PARP10: variants seen among roughly 807,000 people sequenced by gnomAD.
The protein encoded by PARP10 is protein mono-ADP-ribosyltransferase PARP10.
A neutral mutation model predicts 82.4 loss-of-function variants in PARP10; 56 were observed. The observed-to-expected ratio is 0.68, with a 90% CI of 0.55 to 0.85. The LOEUF (loss-of-function observed/expected upper bound fraction) is 0.85, where lower values mean the gene tolerates loss of function less well. Ranked by LOEUF, PARP10 falls within the 40% of genes least tolerant of loss-of-function variation. The pLI, the probability that PARP10 is intolerant of heterozygous loss-of-function variation, is 0.00. For missense variants in PARP10, 1,227 were observed against 1,379.4 expected, an observed-to-expected ratio of 0.89 and a Z score of 1.75; for synonymous variants, 576 against 601.1, an observed-to-expected ratio of 0.96 and a Z score of 0.61.
Position 143,984,955 on chromosome 8 carries a change from G to A in PARP10, c.1047C>T (p.Val349=). 1 of 1,613,922 alleles carries A rather than the reference G, an allele frequency of 6.2e-7. No homozygotes were observed. Among genetic ancestry groups the A allele is most frequent in the Non-Finnish European group, 8.5e-7 (1 of 1,179,998 alleles). ...PMGSLGQAEQ[V]SSMPMGSLEH... Reference sequence around the variant, plus strand: ...CCAGAGACCCCATGGGCATCGAGCTGACTTGCTCTGCCTGTCCCAGAGACC... The same window carrying A: ...CCAGAGACCCCATGGGCATCGAGCTAACTTGCTCTGCCTGTCCCAGAGACC... Residue 349 remains valine, a synonymous_variant, in exon 5 of 11, where the codon GTC becomes GTT. Transcript: ENST00000313028.
Position 143,984,850 on chromosome 8 carries a change from A to C in PARP10, c.1152T>G (p.Ser384=). The C allele has an allele frequency of 6.2e-7, 1 of 1,612,390 alleles. No individual in the cohort carries two copies. The highest frequency in any genetic ancestry group is 8.5e-7 in the Non-Finnish European group (1 of 1,178,938). The stretch of plus-strand genomic sequence containing the variant: ...CCTTAGAGGTCTCCACTGGGCCTGC[A>C]GACCCCACAGGCCCCAGGCTCATGG... ...EGPMSLGPVG[S]AGPVETSKGL... Residue 384 remains serine (S), a synonymous_variant, in exon 5 of 11, where the codon TCT becomes TCG. Coordinates refer to ENST00000313028, the MANE Select transcript of PARP10 (RefSeq NM_032789.5).
At position 143,983,429 on chromosome 8, in the gene PARP10, C is replaced by T. The variant is rs782500323; in HGVS notation, c.2160G>A (p.Glu720=). The T allele has an allele frequency of 1.4e-5, 23 of 1,605,126 alleles. No individual in the cohort carries two copies. Among genetic ancestry groups the T allele is most frequent in the African/African-American group, 6.7e-5 (5 of 74,912 alleles). ...VVHSAFEQDV[E]ELDRALRAAL... ...CAGCCCTGAGCGCCCGGTCCAGCTCCTCCACATCCTGCTCAAAGGCCGAGT... is the reference window on the plus strand; with the variant it reads ...CAGCCCTGAGCGCCCGGTCCAGCTCTTCCACATCCTGCTCAAAGGCCGAGT... The change falls in exon 8 of 11, where the codon GAG becomes GAA. Residue 720 remains glutamate, a synonymous_variant. Coordinates refer to ENST00000313028, the MANE Select transcript of PARP10 (RefSeq NM_032789.5).
chr8:144,000,056 A>G (rs1203727841), intron 1 of PARP10, among the ~76,000 whole-genome samples: 1 of 152,200 alleles, frequency 6.6e-6, no homozygotes, highest in Non-Finnish European at 1.5e-5. Context: ...TAATCTACCA[A>G]GACTTGCATA....
At chr8:143,979,598 A>G (rs1833798211) in intron 9 of PARP10, among the ~76,000 whole-genome samples, 1 of 152,214 alleles carries the variant, frequency 6.6e-6, no homozygotes, top group Non-Finnish European at 1.5e-5. Flanking sequence ...AAATACCTCT[A>G]ATTGTAAAGG....
At position 143,983,041 on chromosome 8, in the gene PARP10, G is replaced by T; in HGVS notation, c.2447C>A (p.Pro816His). 6.2e-7 allele frequency: 1 copy of T among 1,613,882 alleles called. No homozygotes were observed. Among genetic ancestry groups the T allele is most frequent in the Non-Finnish European group, 8.5e-7 (1 of 1,180,008 alleles). The change falls in exon 9 of 11, where the codon CCC (proline) becomes CAC (histidine). Residue 816 changes from proline to histidine, a missense_variant. Coordinates refer to ENST00000313028, the MANE Select transcript of PARP10 (RefSeq NM_032789.5). ...TGCCAGACGCTCCAGGTTGTTCCAG[G>T]GCCCCTTCAGCGTCTGCCCCGCCAC... ...PTLAGQTLKG[P>H]WNNLERLAEN...
intron 1 of PARP10, chr8:144,012,428 C>T (rs1587480219): frequency 1.7e-6 from 2 of 1,198,316 alleles, no homozygotes; most frequent in East Asian, 2.5e-5. Flanking sequence ...TCTGCACCCT[C>T]CTTCAGCCCA....
upstream of PARP10, among the ~76,000 whole-genome samples, chr8:143,987,743 T>G (rs1174304814): frequency 1.3e-5 from 2 of 152,052 alleles, no homozygotes; most frequent in Non-Finnish European, 2.9e-5. Flanking sequence ...ATATAAAAAT[T>G]AGCCGGGCAT....
chr8:143,983,465 C>G lies in PARP10; in HGVS notation c.2124G>C (p.Gln708His). The G allele has an allele frequency of 6.2e-7, 1 of 1,606,748 alleles. No individual in the cohort carries two copies. The part of the protein sequence containing the change: ...PPDGGTDGKA[Q>H]LVVHSAFEQD... ...GCTCAAAGGCCGAGTGCACCACCAG[C>G]TGGGCCTTGCCATCAGTCCCCCCAT... Residue 708 changes from glutamine (Q) to histidine (H), a missense_variant, in exon 8 of 11, where the codon CAG becomes CAC. Transcript: ENST00000313028.
rs554296461 is a variant in PARP10 at position 143,985,570 on chromosome 8, G to T, written c.515C>A (p.Ala172Asp). Residue 172 changes from alanine (A) to aspartate (D), a missense_variant, in exon 4 of 11, where the codon GCC becomes GAC. By Grantham distance (126) the Ala-to-Asp change is moderately radical. Coordinates refer to ENST00000313028, the MANE Select transcript of PARP10 (RefSeq NM_032789.5). ...TLVSLARVPQ[A>D]RAVRVVGDGA... ...ATCCCCCACCACACGCACCGCTCGG[G>T]CCTGGGGAACCCGGGCCAGGGACAC... 1 of 1,614,036 alleles carries T rather than the reference G, an allele frequency of 6.2e-7. No individual in the cohort carries two copies. Among genetic ancestry groups the T allele is most frequent in the African/African-American group, 1.3e-5 (1 of 75,056 alleles).
upstream of PARP10, chr8:143,991,390 G>A (rs907967693): frequency 2.5e-6 from 3 of 1,194,328 alleles, no homozygotes; most frequent in African/African-American, 4.6e-5. Flanking sequence ...GGTCAGCCAG[G>A]GTACCCCCAT....
intron 1 of PARP10, among the ~76,000 whole-genome samples, chr8:144,004,768 G>T (rs1834223682): frequency 6.6e-6 from 1 of 152,156 alleles, no homozygotes; most frequent in Admixed American, 6.6e-5. Flanking sequence ...CTCAGCTGTG[G>T]GGTCCAGCAA....
At position 144,011,167 on chromosome 8, in the gene PARP10, G is replaced by A. The variant is rs1834279090; in HGVS notation, c.-80+1363C>T. The stretch of plus-strand genomic sequence containing the variant: ...ACATAAAATGTAACCATCACTGACT[G>A]CATCAACCCAAGAGGCTAACAGTGA... On this transcript the variant is annotated intron_variant, in intron 1 of 3. Transcript: ENST00000530478. This position sits in a 1 kb window ranked among gnomAD's most constrained non-coding sequence, Gnocchi z 4.5. 6.6e-6 allele frequency among the ~76,000 whole-genome samples: 1 copy of A among 152,076 alleles called. No individual in the cohort carries two copies. Among genetic ancestry groups the A allele is most frequent in the Non-Finnish European group, 1.5e-5 (1 of 68,016 alleles).
Position 143,986,085 on chromosome 8 carries a change from C to G in PARP10, c.151G>C (p.Gly51Arg). 1 of 1,614,068 alleles carries G rather than the reference C, an allele frequency of 6.2e-7. No individual in the cohort carries two copies. Among genetic ancestry groups the G allele is most frequent in the Non-Finnish European group, 8.5e-7 (1 of 1,179,998 alleles). The change falls in exon 2 of 11, where the codon GGG becomes CGG. Residue 51 changes from glycine to arginine, a missense_variant. Gly to Arg is a moderately radical substitution (Grantham distance 125, BLOSUM62 -2). Transcript: ENST00000313028. Reference sequence around the variant, plus strand: ...GGCTCTCTGAAGGTGAGGACGCCCCCACAGCCCAGTCTCTGCCAGCTCAAC... The same window carrying G: ...GGCTCTCTGAAGGTGAGGACGCCCCGACAGCCCAGTCTCTGCCAGCTCAAC... ...PVLSWQRLGC[G>R]GVLTFREPAD...
chr8:143,996,615 C>T (rs782493340), intron 1 of PARP10, among the ~76,000 whole-genome samples: 8 of 152,226 alleles, frequency 5.3e-5, no homozygotes, highest in Non-Finnish European at 7.3e-5. Context: ...AGGCGTCAAA[C>T]GTGAAAGGAA....
upstream of PARP10, chr8:143,990,939 G>A: frequency 4.3e-6 from 1 of 233,084 alleles, no homozygotes. The surrounding 1 kb of genome is among the most constrained non-coding windows in gnomAD (Gnocchi z 5.6). Flanking sequence ...AAATCCCGAG[G>A]CTGGCGGTCG....
At chr8:143,992,741 T>C, upstream of PARP10, 1 of 1,614,004 alleles carries the variant, frequency 6.2e-7, no homozygotes, top group Non-Finnish European at 8.5e-7. Context: ...CAGCTGTCCC[T>C]GAGCCCAGAA....
rs1554746636 is a variant in PARP10 at position 143,977,795 on chromosome 8, G to A, written c.2767C>T (p.Arg923Cys). ...CGGTCCTGCACCGACAGGGAGGCGC[G>A]CCTGGCGAAATACACGCCCTTCCCG... The part of the protein sequence containing the change: ...VYGKGVYFAR[R>C]ASLSVQDRYS... Residue 923 changes from arginine (R) to cysteine (C), a missense_variant, in exon 11 of 11, where the codon CGC becomes TGC. By Grantham distance (180) the Arg-to-Cys change is radical. Transcript: ENST00000313028. The A allele has an allele frequency of 6.2e-7, 1 of 1,601,538 alleles. No homozygotes were observed. Among genetic ancestry groups the A allele is most frequent in the Non-Finnish European group, 8.5e-7 (1 of 1,174,514 alleles).
chr8:143,988,642 G>A (rs182772850), upstream of PARP10, among the ~76,000 whole-genome samples: 8 of 150,696 alleles, frequency 5.3e-5, no homozygotes, highest in African/African-American at 2.0e-4. Context: ...ATTTTTTTTT[G>A]TATTTTTAGT....
Position 143,977,525 on chromosome 8 carries a change from CG to C in PARP10, c.3036del (p.Asp1013ThrfsTer33). ...ITCEHVPRAS[P>X]DDPSGLPGRS... ...CGGCCCGGGAGCCCAGAGGGGTCGT[CG>C]GGGGAAGCGCGGGGCACGTGCTCGC... On this transcript the variant is annotated frameshift_variant, in exon 11 of 11. Coordinates refer to ENST00000313028, the MANE Select transcript of PARP10 (RefSeq NM_032789.5). LOFTEE classifies it low-confidence loss of function (END_TRUNC). 2 of 1,560,152 alleles carry C rather than the reference CG, an allele frequency of 1.3e-6. No individual in the cohort carries two copies. Among genetic ancestry groups the C allele is most frequent in the Non-Finnish European group, 8.7e-7 (1 of 1,152,428 alleles).
Sources: gnomAD v4.1 joint callset for allele counts (sites outside exome capture counted in the v4.1 genomes callset) on GRCh38, gnomAD v4.1.1 for gene constraint, Gnocchi (gnomAD v3.1) non-coding constraint, MANE v1.5 for transcripts, NCBI Gene and HGNC (gene_info 2026-07-23, HGNC 2026-07-21) for gene names.